DPH6: variants seen among roughly 807,000 people sequenced by gnomAD.
DPH6 encodes diphthine--ammonia ligase.
In DPH6, 33 loss-of-function variants were observed where a neutral mutation model predicts 38.2. The ratio of observed to expected loss-of-function variants is 0.86; its 90% confidence interval spans 0.65 to 1.15. The LOEUF (loss-of-function observed/expected upper bound fraction) is 1.15. Among genes scored for constraint, DPH6 ranks in the 50% most tolerant of loss-of-function variants. The probability of loss-of-function intolerance (pLI) is 0.00; values close to 1 mark genes in which losing one functional copy is unlikely to be tolerated. For missense variants in DPH6, 325 were observed against 320.0 expected (o/e 1.02, Z -0.12); for synonymous variants, 108 against 103.0 (o/e 1.05, Z -0.30).
chr15:35,520,916 C>T (rs989824129), intron 3 of DPH6: 4 of 985,054 alleles, frequency 4.1e-6, no homozygotes, highest in Non-Finnish European at 4.8e-6. Flanking sequence ...TTGTCACTCT[C>T]AAAATTCCAG....
At chr15:35,328,158 T>C (rs375745148), downstream of DPH6, among the ~76,000 whole-genome samples, 9 of 152,068 alleles carry the variant, frequency 5.9e-5, no homozygotes, top group East Asian at 1.3e-3. Flanking sequence ...TGTGAAAAGG[T>C]AGAGTCTATC....
intron 3 of DPH6, among the ~76,000 whole-genome samples, chr15:35,242,998 GTAAA>G (rs935401460): frequency 7.0e-6 from 1 of 142,412 alleles, no homozygotes; most frequent in African/African-American, 2.6e-5. Context: ...AACTCTTGAA[GTAAA>G]TAAATAATCT....
At chr15:35,429,875 T>G (rs1253177897) in intron 5 of DPH6, among the ~76,000 whole-genome samples, 1 of 152,162 alleles carries the variant, frequency 6.6e-6, no homozygotes, top group Admixed American at 6.5e-5. Context: ...TACTTTGGTG[T>G]GTAATATTTA....
chr15:35,320,119 C>CT (rs1013551442), intron 3 of DPH6, among the ~76,000 whole-genome samples: 31 of 150,672 alleles, frequency 2.1e-4, no homozygotes, highest in African/African-American at 3.4e-4. Context: ...ATTTTCATGG[C>CT]TTTTTTTTTC....
At chr15:35,302,868 A>G (rs917392562) in intron 3 of DPH6, among the ~76,000 whole-genome samples, 1 of 151,950 alleles carries the variant, frequency 6.6e-6, no homozygotes, top group African/African-American at 2.4e-5. Flanking sequence ...CTTCTTATAT[A>G]CAAATCAGTT....
At chr15:35,174,468 GT>G in the DPH6 span, among the ~76,000 whole-genome samples, 1 of 152,092 alleles carries the variant, frequency 6.6e-6, no homozygotes, top group Admixed American at 6.6e-5. Context: ...AGAAAAATCA[GT>G]ATCAGTGATG....
At chr15:35,388,416 G>A (rs190807476) in intron 6 of DPH6, among the ~76,000 whole-genome samples, 236 of 152,298 alleles carry the variant, frequency 1.5e-3, no homozygotes, top group African/African-American at 5.4e-3. Context: ...CAGAAGGAAT[G>A]GTACCAGCTC....
chr15:35,337,693 T>C (rs1252608119), intron 3 of DPH6, among the ~76,000 whole-genome samples: 1 of 152,144 alleles, frequency 6.6e-6, no homozygotes, highest in East Asian at 1.9e-4. Context: ...TTAAAGTTCA[T>C]GTGGAACCAA....
chr15:35,235,798 G>A (rs1181660066), intron 3 of DPH6, among the ~76,000 whole-genome samples: 1 of 152,150 alleles, frequency 6.6e-6, no homozygotes, highest in Non-Finnish European at 1.5e-5. Flanking sequence ...TTCTCACAGT[G>A]TGCTATATAT....
intron 3 of DPH6, among the ~76,000 whole-genome samples, chr15:35,255,839 T>C (rs1481117): frequency 0.57 from 86,092 of 151,510 alleles, 27,174 homozygotes; most frequent in Non-Finnish European, 0.73. Context: ...ATTCTATCCA[T>C]TAGGATTAGT....
chr15:35,543,283 T>TATATATAC (rs1272768106), intron 1 of DPH6, among the ~76,000 whole-genome samples: 1 of 125,124 alleles, frequency 8.0e-6, no homozygotes, highest in African/African-American at 4.2e-5. Context: ...TATATATATA[T>TATATATAC]ATATATATAT....
At chr15:35,240,579 C>T (rs953527904) in intron 3 of DPH6, among the ~76,000 whole-genome samples, 5 of 143,586 alleles carry the variant, frequency 3.5e-5, no homozygotes, top group Admixed American at 1.5e-4. Context: ...TAGCCCTCCC[C>T]CACCTGCCCA....
At chr15:35,419,043 C>T (rs946876852) in intron 5 of DPH6, among the ~76,000 whole-genome samples, 1 of 144,950 alleles carries the variant, frequency 6.9e-6, no homozygotes, top group Admixed American at 6.9e-5. Context: ...ACCTCATGTA[C>T]CTTTCAAACT....
intron 3 of DPH6, among the ~76,000 whole-genome samples, chr15:35,476,078 A>C (rs2054260559): frequency 6.6e-6 from 1 of 151,814 alleles, no homozygotes; most frequent in African/African-American, 2.4e-5. Flanking sequence ...AAATTTTAAA[A>C]AATATATGGC....
downstream of DPH6, among the ~76,000 whole-genome samples, chr15:35,212,743 C>T (rs2051394382): frequency 6.6e-6 from 1 of 152,130 alleles, no homozygotes; most frequent in Non-Finnish European, 1.5e-5. Context: ...ATTGTACTTC[C>T]TTCCTAAAAC....
chr15:35,231,365 T>C (rs1047828858), intron 3 of DPH6, among the ~76,000 whole-genome samples: 67 of 152,344 alleles, frequency 4.4e-4, no homozygotes, highest in African/African-American at 1.5e-3. Context: ...CTCTGCACCA[T>C]GCTGCTGCTT....
intron 3 of DPH6, among the ~76,000 whole-genome samples, chr15:35,310,633 A>C (rs1488833816): frequency 6.6e-6 from 1 of 152,122 alleles, no homozygotes; most frequent in Non-Finnish European, 1.5e-5. Context: ...CATATATATA[A>C]ATTTCTGTGT....
At chr15:35,493,549 C>T (rs77827956) in intron 3 of DPH6, among the ~76,000 whole-genome samples, 1 of 152,054 alleles carries the variant, frequency 6.6e-6, no homozygotes, top group African/African-American at 2.4e-5. Context: ...TTCAGAGATA[C>T]CAGAATGGTC....
At chr15:35,407,790 T>G (rs529448419) in intron 6 of DPH6, among the ~76,000 whole-genome samples, 3 of 151,954 alleles carry the variant, frequency 2.0e-5, no homozygotes, top group African/African-American at 7.2e-5. Flanking sequence ...GCTAAGGGAA[T>G]GAGACAGAGA....
Sources: allele counts gnomAD v4.1 joint callset (sites outside exome capture counted in the v4.1 genomes callset), GRCh38; gene constraint gnomAD v4.1.1; transcripts MANE v1.5; gene names NCBI Gene and HGNC (gene_info 2026-07-23, HGNC 2026-07-21).